AMBRA1: variants seen among roughly 807,000 people sequenced by gnomAD.
AMBRA1 encodes activating molecule in BECN1-regulated autophagy protein 1.
Under a neutral mutation model 125.4 loss-of-function variants are expected in AMBRA1, and 47 were observed. The observed-to-expected ratio is 0.37, with a 90% CI of 0.30 to 0.48. The LOEUF (loss-of-function observed/expected upper bound fraction) is 0.48. AMBRA1 is among the 20% of genes least tolerant of loss of function. The pLI, the probability that AMBRA1 is intolerant of heterozygous loss-of-function variation, is 0.99. For synonymous variants in AMBRA1, 626 were observed against 655.5 expected, an observed-to-expected ratio of 0.95 and a Z score of 0.69; for missense variants, 1,331 against 1,693.4, an observed-to-expected ratio of 0.79 and a Z score of 3.76.
intron 1 of AMBRA1, among the ~76,000 whole-genome samples, chr11:46,583,442 A>G (rs554735978): frequency 6.6e-6 from 1 of 151,512 alleles, no homozygotes; most frequent in African/African-American, 2.4e-5. Flanking sequence ...TAGGCATGGG[A>G]AAGGACTTCA....
rs553040136 is a variant in AMBRA1, at chr11:46,400,473, G to GTTTTTTTTTTTTTTTTTTTT, written c.3404-2550_3404-2531dup. ...CCTCATGCTTCTAGTTCTTTCTATA[G>GTTTTTTTTTTTTTTTTTTTT]TTTTTTTTTTTTTTTTTTTTTTTTT... On this transcript the variant is annotated intron_variant, in intron 17 of 17. Transcript: ENST00000683756. Among the ~76,000 whole-genome samples the GTTTTTTTTTTTTTTTTTTTT allele has an allele frequency of 2.9e-4, 14 of 48,874 alleles. 3 individuals are homozygous for GTTTTTTTTTTTTTTTTTTTT. Among genetic ancestry groups the GTTTTTTTTTTTTTTTTTTTT allele is most frequent in the African/African-American group, 7.1e-4 (11 of 15,450 alleles). The allele number at this position is 48,874 out of a possible 152,430, so 32.1% of individuals were successfully genotyped here.
At chr11:46,482,082 TTTG>T (rs1247715509) in intron 11 of AMBRA1, among the ~76,000 whole-genome samples, 1 of 152,160 alleles carries the variant, frequency 6.6e-6, no homozygotes, top group Non-Finnish European at 1.5e-5. Flanking sequence ...TGTGTTTTGT[TTTG>T]TTGTTGTTGT....
chr11:46,488,995 C>A (rs1950367260), intron 11 of AMBRA1, among the ~76,000 whole-genome samples: 1 of 152,144 alleles, frequency 6.6e-6, no homozygotes, highest in East Asian at 1.9e-4. Context: ...CTCCGCCTCC[C>A]AGGTTAACGC....
intron 9 of AMBRA1, among the ~76,000 whole-genome samples, chr11:46,498,457 T>C (rs1002540134): frequency 2.6e-5 from 4 of 152,124 alleles, no homozygotes; most frequent in Non-Finnish European, 5.9e-5. Flanking sequence ...CAGAGGGGTA[T>C]TTGGGAAGGA....
intron 7 of AMBRA1, among the ~76,000 whole-genome samples, chr11:46,539,675 A>T (rs910366570): frequency 1.3e-5 from 2 of 152,204 alleles, no homozygotes; most frequent in African/African-American, 2.4e-5. Context: ...GATCTTTCAC[A>T]AGAAACTGAC....
At chr11:46,485,119 G>C (rs919452770) in intron 11 of AMBRA1, among the ~76,000 whole-genome samples, 1 of 152,006 alleles carries the variant, frequency 6.6e-6, no homozygotes, top group Non-Finnish European at 1.5e-5. Context: ...TGTATTTTTA[G>C]TAGAGACAGG....
intron 11 of AMBRA1, among the ~76,000 whole-genome samples, chr11:46,466,472 GGAAC>G (rs1022876451): frequency 1.3e-5 from 2 of 152,168 alleles, no homozygotes; most frequent in Non-Finnish European, 2.9e-5. Flanking sequence ...AGAGTACAGA[GGAAC>G]TAGGGCTTGA....
intron 11 of AMBRA1, among the ~76,000 whole-genome samples, chr11:46,483,541 C>T (rs1293447865): frequency 6.6e-6 from 1 of 152,150 alleles, no homozygotes; most frequent in South Asian, 2.1e-4. Context: ...TTGGAATAAA[C>T]GAGGCTGCTT....
chr11:46,442,156 T>TC (rs972413914), intron 12 of AMBRA1, among the ~76,000 whole-genome samples: 3 of 151,378 alleles, frequency 2.0e-5, no homozygotes, highest in African/African-American at 7.3e-5. Flanking sequence ...TTTTGTTTTT[T>TC]TTTGGAGATA....
intron 7 of AMBRA1, among the ~76,000 whole-genome samples, chr11:46,533,681 A>G (rs1051293869): frequency 2.6e-5 from 4 of 152,180 alleles, no homozygotes; most frequent in Non-Finnish European, 5.9e-5. Context: ...CCTAGCTTTA[A>G]TTTACGCTAC....
chr11:46,516,859 A>C (rs965603424), intron 7 of AMBRA1, among the ~76,000 whole-genome samples: 6 of 152,220 alleles, frequency 3.9e-5, no homozygotes, highest in Middle Eastern at 6.8e-3. Flanking sequence ...GACTTGACTT[A>C]ATCTATCACA....
At chr11:46,447,894 T>C (rs532394426) in intron 11 of AMBRA1, among the ~76,000 whole-genome samples, 7 of 152,120 alleles carry the variant, frequency 4.6e-5, no homozygotes, top group Admixed American at 3.9e-4. Flanking sequence ...AGCCAGACCA[T>C]CTTGTAAATA....
At chr11:46,488,253 T>C (rs1309477693) in intron 11 of AMBRA1, among the ~76,000 whole-genome samples, 1 of 152,044 alleles carries the variant, frequency 6.6e-6, no homozygotes, top group Non-Finnish European at 1.5e-5. Context: ...ATCAGGAGCT[T>C]AAGACCAGCC....
At chr11:46,539,210 T>C (rs1952623866) in intron 7 of AMBRA1, among the ~76,000 whole-genome samples, 3 of 152,070 alleles carry the variant, frequency 2.0e-5, no homozygotes, top group South Asian at 2.1e-4. Context: ...TTTTTATATA[T>C]GTTTGAAGAT....
At chr11:46,476,731 G>C (rs1458015118) in intron 11 of AMBRA1, among the ~76,000 whole-genome samples, 5 of 152,118 alleles carry the variant, frequency 3.3e-5, no homozygotes, top group Admixed American at 3.3e-4. Context: ...AAAATATTTA[G>C]ACCAAGAAAC....
chr11:46,418,541 CCCTCCCCACT>C (rs1946685118), intron 14 of AMBRA1, among the ~76,000 whole-genome samples: 1 of 151,678 alleles, frequency 6.6e-6, no homozygotes, highest in Non-Finnish European at 1.5e-5. Flanking sequence ...CTAATGCTAT[CCCTCCCCACT>C]CCCCCTACCC....
Position 46,419,888 on chromosome 11 carries a change from G to A in AMBRA1, c.2977-1836C>T, listed in dbSNP as rs150419558. Among the ~76,000 whole-genome samples, 648 of 152,110 alleles carry A rather than the reference G, an allele frequency of 4.3e-3. 4 individuals carry two copies. The highest frequency in any genetic ancestry group is 0.013 in the African/African-American group (539 of 41,498). ...TCCATTTATGCAAACCAAGTGATAA[G>A]CAGCCCTGGATCTGAGAACACATGT... On this transcript the variant is annotated intron_variant, in intron 14 of 17. Transcript: ENST00000683756.
At chr11:46,578,927 T>C in intron 1 of AMBRA1, among the ~76,000 whole-genome samples, 1 of 146,514 alleles carries the variant, frequency 6.8e-6, no homozygotes, top group East Asian at 2.0e-4. Flanking sequence ...CTTTGAGCTT[T>C]GTCACAATTA....
chr11:46,435,460 G>T (rs1011937964), intron 12 of AMBRA1, among the ~76,000 whole-genome samples: 1 of 152,128 alleles, frequency 6.6e-6, no homozygotes, highest in Non-Finnish European at 1.5e-5. Context: ...AGCTTTCTTG[G>T]GGCAGGAATC....
Sources: gnomAD v4.1 joint callset for allele counts (sites outside exome capture counted in the v4.1 genomes callset) on GRCh38, gnomAD v4.1.1 for gene constraint, MANE v1.5 for transcripts, NCBI Gene and HGNC (gene_info 2026-07-23, HGNC 2026-07-21) for gene names.